IGFBP7: variants seen among roughly 807,000 people sequenced by gnomAD.
The protein encoded by IGFBP7 is insulin-like growth factor-binding protein 7.
Under a neutral mutation model 29.4 loss-of-function variants are expected in IGFBP7, and 31 were observed. The observed-to-expected ratio is 1.05, with a 90% CI of 0.79 to 1.42. The LOEUF (loss-of-function observed/expected upper bound fraction) is 1.42. Among genes scored for constraint, IGFBP7 ranks in the 40% most tolerant of loss-of-function variants. The pLI is 0.00. For missense variants in IGFBP7, 393 were observed against 395.5 expected (o/e 0.99, Z 0.05); for synonymous variants, 172 against 174.9 (o/e 0.98, Z 0.13).
intron 1 of IGFBP7, among the ~76,000 whole-genome samples, chr4:57,050,087 C>T (rs1398005637): frequency 6.6e-6 from 1 of 151,750 alleles, no homozygotes; most frequent in Non-Finnish European, 1.5e-5. Flanking sequence ...CCAGGAGATG[C>T]AAATTAATTT....
chr4:57,069,168 C>A (rs992471140), intron 1 of IGFBP7, among the ~76,000 whole-genome samples: 3 of 152,146 alleles, frequency 2.0e-5, no homozygotes, highest in South Asian at 2.1e-4. Context: ...GGCATTGTTT[C>A]AAGACAGGAT....
chr4:57,088,828 G>A (rs1416672280), intron 1 of IGFBP7, among the ~76,000 whole-genome samples: 3 of 151,894 alleles, frequency 2.0e-5, no homozygotes, highest in Non-Finnish European at 4.4e-5. Context: ...TCAGGAGTTC[G>A]AGACCAGCCT....
intron 1 of IGFBP7, among the ~76,000 whole-genome samples, chr4:57,103,567 TA>T (rs1195677167): frequency 2.0e-5 from 3 of 152,170 alleles, no homozygotes; most frequent in Non-Finnish European, 4.4e-5. Context: ...TCAGGCTATT[TA>T]ACATATGCAT....
At chr4:57,038,166 C>T (rs890501522) in intron 2 of IGFBP7, among the ~76,000 whole-genome samples, 27 of 152,302 alleles carry the variant, frequency 1.8e-4, no homozygotes, top group African/African-American at 5.5e-4. Flanking sequence ...TGTCAGTGGC[C>T]GCATCCCTCC....
intron 1 of IGFBP7, among the ~76,000 whole-genome samples, chr4:57,057,087 C>T (rs1724692072): frequency 6.6e-6 from 1 of 152,244 alleles, no homozygotes; most frequent in African/African-American, 2.4e-5. Context: ...CTCACTGCAG[C>T]TTCGTCCTTT....
intron 1 of IGFBP7, among the ~76,000 whole-genome samples, chr4:57,102,252 T>C (rs889298985): frequency 1.3e-5 from 2 of 152,248 alleles, no homozygotes; most frequent in East Asian, 3.9e-4. Context: ...CGGTTTCTTC[T>C]AGAAGGCCAG....
chr4:57,081,817 A>C (rs907801687), intron 1 of IGFBP7, among the ~76,000 whole-genome samples: 1 of 152,210 alleles, frequency 6.6e-6, no homozygotes, highest in African/African-American at 2.4e-5. Flanking sequence ...GGTCCTCAGC[A>C]CAAAATAAAG....
At chr4:57,048,788 T>C (rs768223654) in intron 1 of IGFBP7, among the ~76,000 whole-genome samples, 4 of 152,178 alleles carry the variant, frequency 2.6e-5, no homozygotes, top group Non-Finnish European at 5.9e-5. Flanking sequence ...ATGATGTTAC[T>C]ATTTAAAAAA....
At chr4:57,091,000 T>C (rs1246204769) in intron 1 of IGFBP7, among the ~76,000 whole-genome samples, 1 of 152,216 alleles carries the variant, frequency 6.6e-6, no homozygotes, top group Non-Finnish European at 1.5e-5. Context: ...CTTTGGGAGT[T>C]GGATCACCTG....
intron 1 of IGFBP7, among the ~76,000 whole-genome samples, chr4:57,050,975 G>A (rs1031662000): frequency 2.0e-5 from 3 of 152,164 alleles, no homozygotes; most frequent in Non-Finnish European, 4.4e-5. Context: ...TGAAAATAGT[G>A]TGTGCATTAA....
At chr4:57,068,928 A>T (rs1410741032) in intron 1 of IGFBP7, among the ~76,000 whole-genome samples, 1 of 151,912 alleles carries the variant, frequency 6.6e-6, no homozygotes, top group Non-Finnish European at 1.5e-5. Context: ...TTCCATGGCC[A>T]CTTTTGGATG....
At chr4:57,051,718 T>C (rs1724506487) in intron 1 of IGFBP7, among the ~76,000 whole-genome samples, 1 of 152,220 alleles carries the variant, frequency 6.6e-6, no homozygotes, top group Non-Finnish European at 1.5e-5. Flanking sequence ...TATGCAACAT[T>C]GCACAAGTTA....
chr4:57,097,904 C>T (rs1725798297), intron 1 of IGFBP7, among the ~76,000 whole-genome samples: 1 of 152,116 alleles, frequency 6.6e-6, no homozygotes. Flanking sequence ...AGGGACAGCC[C>T]TGGGTGAGCA....
At chr4:57,079,165 C>T (rs1269304689) in intron 1 of IGFBP7, among the ~76,000 whole-genome samples, 2 of 50,414 alleles carry the variant, frequency 4.0e-5, no homozygotes, top group African/African-American at 7.5e-5. Flanking sequence ...TCTTTGCTGT[C>T]TTCTTGTTAA....
chr4:57,046,953 A>C (rs770832198), intron 1 of IGFBP7, among the ~76,000 whole-genome samples: 4 of 151,952 alleles, frequency 2.6e-5, no homozygotes, highest in Non-Finnish European at 4.4e-5. Flanking sequence ...CTCTAAATTC[A>C]TTTTCTTGCC....
At chr4:57,072,987 T>C in intron 1 of IGFBP7, 2 of 882,394 alleles carry the variant, frequency 2.3e-6, no homozygotes, top group East Asian at 2.6e-5. Context: ...AGGACCATCC[T>C]GCTCTCCATC....
chr4:57,038,041 T>C (rs1037044297), intron 2 of IGFBP7, among the ~76,000 whole-genome samples: 1 of 152,184 alleles, frequency 6.6e-6, no homozygotes, highest in Non-Finnish European at 1.5e-5. Context: ...TAAGAGAAGC[T>C]TCACTGTAAA....
At chr4:57,085,710 T>C (rs1201966098) in intron 1 of IGFBP7, among the ~76,000 whole-genome samples, 1 of 152,204 alleles carries the variant, frequency 6.6e-6, no homozygotes, top group Non-Finnish European at 1.5e-5. Context: ...AATCTTTCTC[T>C]GTGCTTTTTT....
At chr4:57,083,295 G>A (rs972887729) in intron 1 of IGFBP7, among the ~76,000 whole-genome samples, 1 of 152,112 alleles carries the variant, frequency 6.6e-6, no homozygotes, top group Non-Finnish European at 1.5e-5. Flanking sequence ...CCATTTCCCT[G>A]CACATTTCCC....
Sources: gnomAD v4.1 joint callset for allele counts (sites outside exome capture counted in the v4.1 genomes callset) on GRCh38, gnomAD v4.1.1 for gene constraint, MANE v1.5 for transcripts, NCBI Gene and HGNC (gene_info 2026-07-23, HGNC 2026-07-21) for gene names.